PTCHD4: variants seen among roughly 807,000 people sequenced by gnomAD.
PTCHD4 encodes patched domain-containing protein 4.
A neutral mutation model predicts 58.1 loss-of-function variants in PTCHD4; 33 were observed. The ratio of observed to expected loss-of-function variants is 0.57; its 90% CI spans 0.43 to 0.76. The LOEUF (loss-of-function observed/expected upper bound fraction) is 0.76, where lower values mean the gene tolerates loss of function less well. PTCHD4 is among the 30% of genes least tolerant of loss of function. The pLI is 0.00. For synonymous variants in PTCHD4, 478 were observed against 409.6 expected (o/e 1.17, Z -2.02); for missense variants, 1,058 against 1,027.1 (o/e 1.03, Z -0.41).
intron 4 of PTCHD4, among the ~76,000 whole-genome samples, chr6:47,909,947 G>A (rs560747990): frequency 1.2e-4 from 19 of 152,194 alleles, no homozygotes; most frequent in Admixed American, 2.0e-4. Context: ...GGAAAACTTC[G>A]TAATAACTTG....
At chr6:48,091,895 C>T (rs1765373010) in intron 1 of PTCHD4, among the ~76,000 whole-genome samples, 1 of 152,050 alleles carries the variant, frequency 6.6e-6, no homozygotes, top group African/African-American at 2.4e-5. Context: ...GATGATCCAC[C>T]TGCCTCGGGC....
intron 1 of PTCHD4, among the ~76,000 whole-genome samples, chr6:48,072,198 T>A (rs1764988934): frequency 6.6e-6 from 1 of 152,196 alleles, no homozygotes; most frequent in African/African-American, 2.4e-5. Flanking sequence ...TTGGAGTCCG[T>A]AATTTGCAAA....
chr6:48,009,229 A>G, intron 3 of PTCHD4, 115 bp from the exon 4 acceptor site: 1 of 1,139,156 alleles, frequency 8.8e-7, no homozygotes, highest in Admixed American at 2.9e-5. Flanking sequence ...TAATTGTGAA[A>G]CTGATGTGGG....
chr6:47,911,668 C>T (rs1369671317), intron 4 of PTCHD4, among the ~76,000 whole-genome samples: 1 of 152,060 alleles, frequency 6.6e-6, no homozygotes, highest in Non-Finnish European at 1.5e-5. Flanking sequence ...CTGAGGATGG[C>T]AGGAACCAAT....
intron 4 of PTCHD4, among the ~76,000 whole-genome samples, chr6:47,912,490 T>C (rs779807350): frequency 6.6e-6 from 1 of 152,264 alleles, no homozygotes; most frequent in Non-Finnish European, 1.5e-5. Flanking sequence ...AATGCCAAAA[T>C]AGTTACACTT....
At chr6:48,100,725 C>A (rs9473241) in intron 1 of PTCHD4, among the ~76,000 whole-genome samples, 1 of 151,988 alleles carries the variant, frequency 6.6e-6, no homozygotes, top group Non-Finnish European at 1.5e-5. Flanking sequence ...TCTGTCGACA[C>A]GGAGGGTCAC....
intron 4 of PTCHD4, among the ~76,000 whole-genome samples, chr6:47,963,536 A>T (rs1262700522): frequency 1.3e-5 from 2 of 152,212 alleles, no homozygotes; most frequent in African/African-American, 4.8e-5. Flanking sequence ...CTGCACTCCC[A>T]TGTTCATTGC....
intron 4 of PTCHD4, chr6:47,901,472 C>T: frequency 1.0e-6 from 1 of 980,410 alleles, no homozygotes; most frequent in South Asian, 4.7e-5. Flanking sequence ...TTATAAATTA[C>T]AGCACATCTA....
intron 4 of PTCHD4, among the ~76,000 whole-genome samples, chr6:47,955,302 C>G (rs1441441701): frequency 6.6e-6 from 1 of 152,054 alleles, no homozygotes; most frequent in African/African-American, 2.4e-5. Flanking sequence ...GACAGAGGTA[C>G]AGCTGGAGAT....
At chr6:47,986,541 G>A (rs1468985920) in intron 4 of PTCHD4, among the ~76,000 whole-genome samples, 2 of 152,016 alleles carry the variant, frequency 1.3e-5, no homozygotes, top group African/African-American at 4.8e-5. Context: ...TGCCTCCTGA[G>A]GTATTAGTTA....
intron 4 of PTCHD4, among the ~76,000 whole-genome samples, chr6:47,923,091 A>G (rs971834878): frequency 1.3e-5 from 2 of 152,212 alleles, no homozygotes; most frequent in African/African-American, 4.8e-5. Context: ...AGAAAGTGAT[A>G]TCAGAGAAAT....
rs1172023447 is a variant in PTCHD4 at position 47,869,552 on chromosome 6, T to C, written c.*8751A>G. Among the ~76,000 whole-genome samples, 1 of 151,748 alleles carries C rather than the reference T, an allele frequency of 6.6e-6. No individual in the cohort carries two copies. Among genetic ancestry groups the C allele is most frequent in the Non-Finnish European group, 1.5e-5 (1 of 67,782 alleles). On this transcript the variant is annotated 3_prime_UTR_variant, in exon 5 of 5. Transcript: ENST00000339488. Reference sequence around the variant, plus strand: ...TCTGAATCTTTTAGTAATGCTTTAGTAATTTATGTGTTTTAGAGACATTTG... The same window carrying C: ...TCTGAATCTTTTAGTAATGCTTTAGCAATTTATGTGTTTTAGAGACATTTG...
chr6:48,041,039 T>C (rs965569150), intron 3 of PTCHD4, among the ~76,000 whole-genome samples: 12 of 152,234 alleles, frequency 7.9e-5, no homozygotes, highest in African/African-American at 2.9e-4. Flanking sequence ...ATATCATGTT[T>C]TAACTAAAAT....
At chr6:48,100,605 G>T (rs1211099701) in intron 1 of PTCHD4, among the ~76,000 whole-genome samples, 1 of 152,156 alleles carries the variant, frequency 6.6e-6, no homozygotes, top group Non-Finnish European at 1.5e-5. Flanking sequence ...TATTCAAGTA[G>T]GAGCTGCAAG....
intron 1 of PTCHD4, among the ~76,000 whole-genome samples, chr6:48,074,623 G>C (rs1240672374): frequency 4.6e-5 from 7 of 152,250 alleles, no homozygotes. Context: ...AATGGGGCCA[G>C]CCTCCTCTCT....
intron 3 of PTCHD4, among the ~76,000 whole-genome samples, chr6:48,027,571 T>A (rs1763292480): frequency 6.6e-6 from 1 of 152,172 alleles, no homozygotes; most frequent in African/African-American, 2.4e-5. Context: ...AAGTAACAGA[T>A]ATTTATTATA....
intron 3 of PTCHD4, among the ~76,000 whole-genome samples, chr6:48,027,912 G>A (rs903591208): frequency 6.6e-6 from 1 of 151,938 alleles, no homozygotes; most frequent in Non-Finnish European, 1.5e-5. Flanking sequence ...TAAAAAGCAG[G>A]CAAGGAAACC....
At chr6:48,105,506 T>C (rs1765699229) in intron 1 of PTCHD4, among the ~76,000 whole-genome samples, 7 of 152,108 alleles carry the variant, frequency 4.6e-5, no homozygotes, top group Admixed American at 3.3e-4. Flanking sequence ...AGGAAAGATC[T>C]AAAATTGACA....
intron 4 of PTCHD4, chr6:47,901,459 TA>T: frequency 1.0e-6 from 1 of 981,782 alleles, no homozygotes. Context: ...TCCTTCATTT[TA>T]TTTATAAATT....
Sources: gnomAD v4.1 joint callset for allele counts (sites outside exome capture counted in the v4.1 genomes callset) on GRCh38, gnomAD v4.1.1 for gene constraint, MANE v1.5 for transcripts, NCBI Gene and HGNC (gene_info 2026-07-23, HGNC 2026-07-21) for gene names.